Variants in RAPGEF4 observed in about 807,000 individuals in gnomAD.
The protein encoded by RAPGEF4 is Rap guanine nucleotide exchange factor 4.
Under a neutral mutation model 147.9 loss-of-function variants are expected in RAPGEF4, and 66 were observed. That is an observed-to-expected ratio of 0.45 (90% confidence interval 0.37 to 0.55). RAPGEF4 has a LOEUF of 0.55. Ranked by LOEUF, RAPGEF4 falls within the 20% of genes least tolerant of loss-of-function variation. The pLI is 0.00. For synonymous variants in RAPGEF4, 419 were observed against 442.7 expected (o/e 0.95, Z 0.67); for missense variants, 1,071 against 1,257.3 (o/e 0.85, Z 2.24).
chr2:172,900,514 C>T (rs1194258984), intron 4 of RAPGEF4, among the ~76,000 whole-genome samples: 1 of 152,172 alleles, frequency 6.6e-6, no homozygotes, highest in East Asian at 1.9e-4. Flanking sequence ...GTTGAGATTA[C>T]AGGCATGAGC....
intron 10 of RAPGEF4, among the ~76,000 whole-genome samples, chr2:172,971,766 G>A (rs1336075626): frequency 1.3e-5 from 2 of 148,298 alleles, no homozygotes; most frequent in East Asian, 3.9e-4. Context: ...TTTTTTTTTT[G>A]ATCTGCTAAT....
chr2:172,821,884 A>G (rs1689105238), intron 4 of RAPGEF4: 6 of 1,604,916 alleles, frequency 3.7e-6, no homozygotes, highest in Non-Finnish European at 8.5e-7. Context: ...AACGGCAATG[A>G]AGGTACATTT....
At chr2:172,767,646 C>T (rs1294027670) in intron 1 of RAPGEF4, among the ~76,000 whole-genome samples, 5 of 152,096 alleles carry the variant, frequency 3.3e-5, no homozygotes, top group Non-Finnish European at 5.9e-5. Flanking sequence ...AACAAAGACA[C>T]CAAGTGGTTA....
intron 4 of RAPGEF4, among the ~76,000 whole-genome samples, chr2:172,822,187 T>A (rs1689143953): frequency 6.6e-6 from 1 of 152,192 alleles, no homozygotes; most frequent in African/African-American, 2.4e-5. Flanking sequence ...TGGTGGCTCA[T>A]CTTTCTGCTA....
chr2:172,871,642 G>A (rs1310682388), intron 4 of RAPGEF4, among the ~76,000 whole-genome samples: 1 of 77,270 alleles, frequency 1.3e-5, no homozygotes, highest in Non-Finnish European at 2.7e-5. Context: ...TTTTTTTTTT[G>A]CACTGAAGGT....
At chr2:172,803,116 C>T (rs1000261723) in intron 3 of RAPGEF4, among the ~76,000 whole-genome samples, 7 of 152,138 alleles carry the variant, frequency 4.6e-5, no homozygotes, top group Non-Finnish European at 8.8e-5. Context: ...GTGGATCTAC[C>T]ATTCTGGTAT....
upstream of RAPGEF4, chr2:172,735,833 C>G (rs1206836601): frequency 2.0e-6 from 1 of 506,076 alleles, no homozygotes. Flanking sequence ...CGCGGGAGCC[C>G]GCGGGGAGGG....
intron 1 of RAPGEF4, among the ~76,000 whole-genome samples, chr2:172,779,128 C>T (rs1182275910): frequency 6.6e-6 from 1 of 152,120 alleles, no homozygotes; most frequent in African/African-American, 2.4e-5. Flanking sequence ...ATATTCCCAA[C>T]ATTGTTCTCG....
intron 4 of RAPGEF4, among the ~76,000 whole-genome samples, chr2:172,874,941 A>G (rs2149825432): frequency 6.6e-6 from 1 of 152,332 alleles, no homozygotes; most frequent in East Asian, 1.9e-4. Flanking sequence ...TCGCCATTCT[A>G]ACTGGTGTGA....
chr2:172,825,608 A>C (rs1256448601), intron 4 of RAPGEF4, among the ~76,000 whole-genome samples: 2 of 152,164 alleles, frequency 1.3e-5, no homozygotes, highest in African/African-American at 4.8e-5. Context: ...TTTATTTACC[A>C]ATTTATGTGA....
intron 4 of RAPGEF4, among the ~76,000 whole-genome samples, chr2:172,832,354 T>C (rs1296180479): frequency 6.6e-6 from 1 of 152,158 alleles, no homozygotes; most frequent in East Asian, 1.9e-4. Context: ...GTTCAAACAG[T>C]ACAGACAAGG....
chr2:172,952,381 G>C (rs772678282), intron 6 of RAPGEF4, among the ~76,000 whole-genome samples: 4 of 152,230 alleles, frequency 2.6e-5, no homozygotes, highest in Non-Finnish European at 2.9e-5. Context: ...AAGGGTGAAT[G>C]ATGAGGCCAA....
At chr2:173,013,294 T>G (rs2121483) in intron 17 of RAPGEF4, among the ~76,000 whole-genome samples, 8,605 of 152,208 alleles carry the variant, frequency 0.057, 336 homozygotes, top group East Asian at 0.1. Flanking sequence ...GAATGGGGGC[T>G]TTGGGTAATG....
At chr2:172,899,640 A>C (rs1026004754) in intron 4 of RAPGEF4, among the ~76,000 whole-genome samples, 1 of 152,140 alleles carries the variant, frequency 6.6e-6, no homozygotes, top group Non-Finnish European at 1.5e-5. Context: ...TTGACTTATG[A>C]TGGCATTGAG....
intron 4 of RAPGEF4, among the ~76,000 whole-genome samples, chr2:172,868,017 G>A (rs1475128314): frequency 1.3e-5 from 2 of 152,172 alleles, no homozygotes; most frequent in African/African-American, 4.8e-5. Context: ...TTCAAATCAT[G>A]TCGTAGTTAA....
chr2:172,748,668 A>C lies in RAPGEF4; in HGVS notation c.65+12620A>C, dbSNP rs573661419. Reference sequence around the variant, plus strand: ...TCTGCCCCAGCCTCTCCCAAATCTCATGTCCTCACATTTCAAAATCAATCA... The same window carrying C: ...TCTGCCCCAGCCTCTCCCAAATCTCCTGTCCTCACATTTCAAAATCAATCA... On this transcript the variant is annotated intron_variant, in intron 1 of 30. Transcript: ENST00000397081. Among the ~76,000 whole-genome samples, 11 of 152,226 alleles carry C rather than the reference A, an allele frequency of 7.2e-5. No individual in the cohort carries two copies. The South Asian group carries it at 2.3e-3, about 32-fold the overall frequency.
chr2:172,807,810 G>A (rs1687652288), intron 3 of RAPGEF4, among the ~76,000 whole-genome samples: 1 of 152,178 alleles, frequency 6.6e-6, no homozygotes, highest in African/African-American at 2.4e-5. Flanking sequence ...ATTTAAAGGA[G>A]CAATTATTTT....
intron 4 of RAPGEF4, among the ~76,000 whole-genome samples, chr2:172,826,919 C>A (rs1689730808): frequency 6.6e-6 from 1 of 151,676 alleles, no homozygotes; most frequent in African/African-American, 2.4e-5. Flanking sequence ...GAGCCATGAT[C>A]ATGCCACTGC....
chr2:172,764,383 G>A lies in RAPGEF4; in HGVS notation c.65+28335G>A, dbSNP rs531108654. Reference sequence around the variant, plus strand: ...GGTGCCAGGTAAAATTTTATTTGCTGTTTGAATTGACATGGAACTTGCAGA... The same window carrying A: ...GGTGCCAGGTAAAATTTTATTTGCTATTTGAATTGACATGGAACTTGCAGA... On this transcript the variant is annotated intron_variant, in intron 1 of 30. Coordinates refer to ENST00000397081, the MANE Select transcript of RAPGEF4 (RefSeq NM_007023.4). Among the ~76,000 whole-genome samples the A allele has an allele frequency of 6.6e-5, 10 of 152,310 alleles. No homozygotes were observed. The East Asian group carries it at 1.9e-3, about 29-fold the overall frequency.
Sources: allele counts gnomAD v4.1 joint callset (sites outside exome capture counted in the v4.1 genomes callset), GRCh38; gene constraint gnomAD v4.1.1; transcripts MANE v1.5; gene names NCBI Gene and HGNC (gene_info 2026-07-23, HGNC 2026-07-21).